DGKB: variants seen among roughly 807,000 people sequenced by gnomAD.
DGKB encodes diacylglycerol kinase beta.
DGKB carries 67 observed loss-of-function variants against 114.3 expected under a neutral mutation model. The observed-to-expected ratio is 0.59, with a 90% CI of 0.48 to 0.72. The LOEUF is 0.72. DGKB is among the 30% of genes least tolerant of loss of function. The pLI is 0.00. For synonymous variants in DGKB, 398 were observed against 323.1 expected (o/e 1.23, Z -2.49); for missense variants, 907 against 975.2 (o/e 0.93, Z 0.93).
intron 1 of DGKB, among the ~76,000 whole-genome samples, chr7:14,858,728 A>G (rs1014004096): frequency 1.3e-5 from 2 of 152,186 alleles, no homozygotes; most frequent in Admixed American, 1.3e-4. Context: ...GAAAGCCGAG[A>G]TATGAGTAGG....
intron 17 of DGKB, among the ~76,000 whole-genome samples, chr7:14,594,751 T>G (rs934949663): frequency 5.3e-5 from 8 of 152,104 alleles, no homozygotes; most frequent in South Asian, 2.1e-4. Context: ...TGGAGTTAGC[T>G]TAGAGTGTGA....
chr7:14,607,336 C>T, intron 17 of DGKB, 98 bp downstream of exon 17: 2 of 682,706 alleles, frequency 2.9e-6, no homozygotes, highest in Non-Finnish European at 2.6e-6. Context: ...TAATATGCTG[C>T]TGTGTTCAAA....
Position 14,760,924 on chromosome 7 carries a change from A to C in DGKB, c.71-3193T>G, listed in dbSNP as rs145094210. Among the ~76,000 whole-genome samples, 1,130 of 152,294 alleles carry C rather than the reference A, an allele frequency of 7.4e-3. 8 individuals carry two copies. The highest frequency in any genetic ancestry group is 0.012 in the Non-Finnish European group (812 of 68,022). On this transcript the variant is annotated intron_variant, in intron 2 of 25. Transcript: ENST00000402815. ...TATACTGAATATTCTTAGTAGAGAA[A>C]TCATGAGCTAAATTAACAGCCAAAA...
rs141638161 is a variant in DGKB, at chr7:14,768,342, T to A, written c.71-10611A>T. Reference sequence around the variant, plus strand: ...CTTCCAGATCTTGGCTCTTAGATGATCTATAGGATATTCTTCTCACAAAGT... The same window carrying A: ...CTTCCAGATCTTGGCTCTTAGATGAACTATAGGATATTCTTCTCACAAAGT... On this transcript the variant is annotated intron_variant, in intron 2 of 25. Coordinates refer to ENST00000402815, the MANE Select transcript of DGKB (RefSeq NM_001350709.2). Among the ~76,000 whole-genome samples the A allele has an allele frequency of 3.2e-4, 49 of 152,056 alleles. 1 individual carries two copies. The East Asian group carries it at 9.5e-3, about 29-fold the overall frequency.
intron 1 of DGKB, among the ~76,000 whole-genome samples, chr7:14,923,189 T>A (rs921962161): frequency 2.6e-5 from 4 of 152,228 alleles, no homozygotes; most frequent in African/African-American, 9.6e-5. Flanking sequence ...AATTTATATT[T>A]TCTTTGGTAT....
chr7:14,286,353 G>C (rs1358263866), intron 23 of DGKB, among the ~76,000 whole-genome samples: 1 of 152,090 alleles, frequency 6.6e-6, no homozygotes, highest in Non-Finnish European at 1.5e-5. Flanking sequence ...TGTTAGCATG[G>C]TGACGATATC....
chr7:14,618,151 T>G (rs747428385), intron 15 of DGKB, among the ~76,000 whole-genome samples: 3 of 150,880 alleles, frequency 2.0e-5, no homozygotes, highest in Non-Finnish European at 4.5e-5. Flanking sequence ...TACACACACA[T>G]ACATCAAAGA....
At chr7:14,588,449 T>C (rs78555834) in intron 17 of DGKB, among the ~76,000 whole-genome samples, 2,970 of 152,184 alleles carry the variant, frequency 0.02, 49 homozygotes, top group Non-Finnish European at 0.028. Flanking sequence ...AGAATTCACA[T>C]ACACTCTCTT....
intron 1 of DGKB, among the ~76,000 whole-genome samples, chr7:14,855,741 C>T (rs535540323): frequency 6.6e-6 from 1 of 152,182 alleles, no homozygotes; most frequent in South Asian, 2.1e-4. Context: ...TCCTCATTTT[C>T]ATTCCTAAAT....
Position 14,698,015 on chromosome 7 carries a change from A to G in DGKB, c.591+80T>C, listed in dbSNP as rs28526874. ...AAAGAAAAAAAGAAAGAAAGAAAGA[A>G]AGAGAAAGAAAGAAAGAAAGAAAAG... is the stretch of plus-strand genomic sequence containing the variant. On this transcript the variant is annotated intron_variant, in intron 8 of 25. Coordinates refer to ENST00000402815, the MANE Select transcript of DGKB (RefSeq NM_001350709.2). The G allele has an allele frequency of 3.3e-4, 214 of 658,296 alleles. 1 individual carries two copies. The highest frequency in any genetic ancestry group is 2.0e-3 in the South Asian group (103 of 51,028). 40.8% of individuals were successfully genotyped at this position (658,296 alleles called of 1,614,324 possible). A position where few individuals can be genotyped will look rare whatever the true frequency, so the allele number is the denominator to read the frequency against.
chr7:14,426,352 T>G (rs755183112), intron 21 of DGKB, among the ~76,000 whole-genome samples: 3 of 152,140 alleles, frequency 2.0e-5, no homozygotes, highest in Non-Finnish European at 4.4e-5. Context: ...GACACAAGAA[T>G]CAAACCCTTA....
At position 14,729,403 on chromosome 7, in the gene DGKB, C is replaced by T. The variant is rs528956322; in HGVS notation, c.322+6638G>A. ...TCCCAAAGTGCTGGGATTACAGGCACGAGCCATCATTTTGCTCACTGATGT... is the reference window on the plus strand; with the variant it reads ...TCCCAAAGTGCTGGGATTACAGGCATGAGCCATCATTTTGCTCACTGATGT... On this transcript the variant is annotated intron_variant, in intron 5 of 25. Coordinates refer to ENST00000402815, the MANE Select transcript of DGKB (RefSeq NM_001350709.2). Among the ~76,000 whole-genome samples, 155 of 152,180 alleles carry T rather than the reference C, an allele frequency of 1.0e-3. 1 individual carries two copies. Among genetic ancestry groups the T allele is most frequent in the Admixed American group, 3.3e-3 (51 of 15,286 alleles).
intron 21 of DGKB, among the ~76,000 whole-genome samples, chr7:14,393,135 G>A (rs1161356466): frequency 4.6e-5 from 7 of 151,596 alleles, no homozygotes; most frequent in African/African-American, 1.5e-4. Context: ...GACTACAGGC[G>A]CCCGCCACCT....
intron 6 of DGKB, among the ~76,000 whole-genome samples, chr7:14,707,137 C>A (rs1826417056): frequency 7.4e-6 from 1 of 135,612 alleles, no homozygotes; most frequent in African/African-American, 2.8e-5. Flanking sequence ...AAGGGGATAT[C>A]ACCACCGATT....
intron 9 of DGKB, among the ~76,000 whole-genome samples, chr7:14,685,610 C>T (rs1821544238): frequency 6.6e-6 from 1 of 152,164 alleles, no homozygotes. Flanking sequence ...AGCTCAACAG[C>T]GTACCCCAAG....
intron 1 of DGKB, among the ~76,000 whole-genome samples, chr7:14,864,683 G>A (rs1349118246): frequency 6.6e-6 from 1 of 152,032 alleles, no homozygotes; most frequent in African/African-American, 2.4e-5. Context: ...CGATTAGCCA[G>A]GCAGAAAGAA....
At chr7:14,916,967 T>C (rs1784269235) in intron 1 of DGKB, among the ~76,000 whole-genome samples, 2 of 151,990 alleles carry the variant, frequency 1.3e-5, no homozygotes, top group East Asian at 1.9e-4. Flanking sequence ...TACGCAGAAA[T>C]CAATAACAGA....
chr7:14,901,621 C>G (rs1023428992), intron 1 of DGKB, among the ~76,000 whole-genome samples: 1 of 145,014 alleles, frequency 6.9e-6, no homozygotes, highest in Non-Finnish European at 1.5e-5. Context: ...CCCCACCCCC[C>G]ACTGCCCCAC....
intron 1 of DGKB, among the ~76,000 whole-genome samples, chr7:14,931,214 C>T (rs367931174): frequency 6.6e-6 from 1 of 151,256 alleles, no homozygotes; most frequent in African/African-American, 2.4e-5. Context: ...TGAGTTCAAG[C>T]GATTCTCCTG....
Sources: gnomAD v4.1 joint callset for allele counts (sites outside exome capture counted in the v4.1 genomes callset) on GRCh38, gnomAD v4.1.1 for gene constraint, MANE v1.5 for transcripts, NCBI Gene and HGNC (gene_info 2026-07-23, HGNC 2026-07-21) for gene names.